The following CNOT4 variants were observed in gnomAD, a reference collection of about 807,000 sequenced individuals.
The protein encoded by CNOT4 is CCR4-associated factor 4.
A neutral mutation model predicts 73.8 loss-of-function variants in CNOT4; 8 were observed. The ratio of observed to expected loss-of-function variants is 0.11; its 90% CI spans 0.06 to 0.20. The LOEUF is 0.20. CNOT4 is among the 10% of genes least tolerant of loss of function. The pLI, the probability that CNOT4 is intolerant of heterozygous loss-of-function variation, is 1.00. For synonymous variants in CNOT4, 293 were observed against 321.1 expected, an observed-to-expected ratio of 0.91 and a Z score of 0.94; for missense variants, 564 against 883.4, an observed-to-expected ratio of 0.64 and a Z score of 4.58.
intron 1 of CNOT4, among the ~76,000 whole-genome samples, chr7:135,462,205 TATA>T (rs1409808609): frequency 6.6e-6 from 1 of 152,110 alleles, no homozygotes; most frequent in African/African-American, 2.4e-5. Context: ...CTACAACTTT[TATA>T]ATATTACCAA....
intron 10 of CNOT4, chr7:135,388,293 A>G: frequency 1.0e-6 from 1 of 985,276 alleles, no homozygotes; most frequent in Non-Finnish European, 1.2e-6. Flanking sequence ...AATCGCCAAC[A>G]ATATCCTTCT....
chr7:135,416,842 GA>G (rs1402159094), intron 3 of CNOT4, among the ~76,000 whole-genome samples: 1 of 152,116 alleles, frequency 6.6e-6, no homozygotes, highest in African/African-American at 2.4e-5. Context: ...AGTGGATGGG[GA>G]CCAGAGATGT....
intron 1 of CNOT4, among the ~76,000 whole-genome samples, chr7:135,453,828 A>T (rs1439376872): frequency 6.7e-4 from 58 of 86,162 alleles, no homozygotes; most frequent in South Asian, 5.6e-3. Context: ...TATATATTTT[A>T]TATATATATA....
At chr7:135,493,933 C>T (rs753097630) in intron 1 of CNOT4, among the ~76,000 whole-genome samples, 9 of 152,004 alleles carry the variant, frequency 5.9e-5, no homozygotes, top group Non-Finnish European at 1.2e-4. Flanking sequence ...TAAGCGCTCA[C>T]GGATAGGCTT....
At chr7:135,467,581 C>T (rs1380348653) in intron 1 of CNOT4, among the ~76,000 whole-genome samples, 4 of 152,064 alleles carry the variant, frequency 2.6e-5, no homozygotes, top group South Asian at 2.1e-4. Flanking sequence ...AGCATGGTGA[C>T]GTGCATGTGT....
intron 1 of CNOT4, among the ~76,000 whole-genome samples, chr7:135,498,417 G>A (rs1418021570): frequency 6.6e-6 from 1 of 152,196 alleles, no homozygotes; most frequent in Non-Finnish European, 1.5e-5. Flanking sequence ...TGCTAGGCAT[G>A]ACAAAGAATA....
intron 10 of CNOT4, among the ~76,000 whole-genome samples, chr7:135,385,524 T>C (rs1044242088): frequency 1.3e-5 from 2 of 152,166 alleles, no homozygotes; most frequent in Admixed American, 6.5e-5. Flanking sequence ...AAAGTTGTTT[T>C]CTTTAAAGGA....
chr7:135,396,035 A>G (rs1796661909), intron 8 of CNOT4, 152 bp from the exon 9 acceptor site: 4 of 597,794 alleles, frequency 6.7e-6, no homozygotes, highest in Non-Finnish European at 1.2e-5. Flanking sequence ...CAGAAAATCA[A>G]TTAAATCATT....
At chr7:135,457,543 T>C (rs1310076437) in intron 1 of CNOT4, among the ~76,000 whole-genome samples, 1 of 152,086 alleles carries the variant, frequency 6.6e-6, no homozygotes, top group African/African-American at 2.4e-5. Flanking sequence ...ACTTTAAGAA[T>C]AATAAATTAA....
chr7:135,436,152 A>AG (rs1799141775), intron 2 of CNOT4, among the ~76,000 whole-genome samples: 2 of 112 alleles, frequency 0.018, no homozygotes, highest in East Asian at 0.5. Flanking sequence ...ATTCATATCA[A>AG]GCTTGCTAAA....
intron 10 of CNOT4, among the ~76,000 whole-genome samples, chr7:135,391,983 T>C (rs946691697): frequency 1.3e-5 from 2 of 152,070 alleles, no homozygotes; most frequent in African/African-American, 4.8e-5. Context: ...CTATACAATT[T>C]AAGAAGCACC....
intron 10 of CNOT4, among the ~76,000 whole-genome samples, chr7:135,392,931 CAAT>C (rs146624114): frequency 0.056 from 8,455 of 152,192 alleles, 287 homozygotes; most frequent in Middle Eastern, 0.11. Flanking sequence ...TATCCTATTA[CAAT>C]AATACTGTGC....
intron 2 of CNOT4, among the ~76,000 whole-genome samples, chr7:135,423,326 A>G (rs941169208): frequency 1.3e-5 from 2 of 151,814 alleles, no homozygotes; most frequent in African/African-American, 4.8e-5. Flanking sequence ...CTATCAGAAT[A>G]CAAGAGTGGG....
chr7:135,374,077 T>C (rs1795380745), intron 10 of CNOT4, among the ~76,000 whole-genome samples: 1 of 152,222 alleles, frequency 6.6e-6, no homozygotes, highest in Non-Finnish European at 1.5e-5. Context: ...AATTCTGAAA[T>C]TGAACAAGTA....
intron 2 of CNOT4, among the ~76,000 whole-genome samples, chr7:135,427,577 T>C (rs796112171): frequency 6.6e-6 from 1 of 152,340 alleles, no homozygotes; most frequent in African/African-American, 2.4e-5. Context: ...AATTTTCTTT[T>C]TGATCTCTTT....
chr7:135,420,554 G>A (rs1360692800), intron 3 of CNOT4, among the ~76,000 whole-genome samples: 1 of 138,982 alleles, frequency 7.2e-6, no homozygotes, highest in Non-Finnish European at 1.5e-5. Flanking sequence ...TCCAGTCTGG[G>A]TGACAAAGTG....
At chr7:135,446,034 ACCACACC>A (rs1355372203) in intron 1 of CNOT4, among the ~76,000 whole-genome samples, 2 of 152,094 alleles carry the variant, frequency 1.3e-5, no homozygotes, top group Non-Finnish European at 2.9e-5. Flanking sequence ...GGTGTGCACC[ACCACACC>A]CAGCTAATTT....
chr7:135,413,645 G>C (rs753715459), intron 5 of CNOT4, 32 bp from the exon 6 acceptor site: 12 of 1,597,188 alleles, frequency 7.5e-6, no homozygotes, highest in Non-Finnish European at 1.0e-5. Context: ...AGGAAAAGAA[G>C]ACTCAATGTG....
intron 2 of CNOT4, among the ~76,000 whole-genome samples, chr7:135,423,028 C>T (rs991050383): frequency 1.3e-5 from 2 of 152,118 alleles, no homozygotes; most frequent in Non-Finnish European, 2.9e-5. Context: ...ACCTTTCTAC[C>T]TCAGTCGTCT....
Sources: allele counts gnomAD v4.1 joint callset (sites outside exome capture counted in the v4.1 genomes callset), GRCh38; gene constraint gnomAD v4.1.1; transcripts MANE v1.5; gene names NCBI Gene and HGNC (gene_info 2026-07-23, HGNC 2026-07-21).